The following GATAD2A variants were observed in gnomAD, a reference collection of about 807,000 sequenced individuals.
GATAD2A encodes GATA zinc finger domain containing 2A.
GATAD2A carries 12 observed loss-of-function variants against 68.5 expected under a neutral mutation model. The observed-to-expected ratio is 0.18, with a 90% CI of 0.11 to 0.28. The LOEUF is 0.28. Among genes scored for constraint, GATAD2A ranks in the 10% least tolerant of loss-of-function variants. The pLI, the probability that GATAD2A is intolerant of heterozygous loss-of-function variation, is 1.00. For synonymous variants in GATAD2A, 410 were observed against 375.3 expected, an observed-to-expected ratio of 1.09 and a Z score of -1.07; for missense variants, 755 against 868.5, an observed-to-expected ratio of 0.87 and a Z score of 1.64.
chr19:19,406,954 A>G (rs548849560), intron 1 of GATAD2A, among the ~76,000 whole-genome samples: 1 of 152,358 alleles, frequency 6.6e-6, no homozygotes, highest in Non-Finnish European at 1.5e-5. Context: ...CTTTAGGTGT[A>G]TAGTTCATCC....
At chr19:19,427,489 A>G (rs1294335691) in intron 1 of GATAD2A, 1 of 152,128 alleles carries the variant, frequency 6.6e-6, no homozygotes, top group Non-Finnish European at 1.5e-5. Flanking sequence ...AAGGCTCTTA[A>G]TGACATCATC....
chr19:19,498,821 C>T, intron 8 of GATAD2A, 99 bp downstream of exon 8: 1 of 1,080,024 alleles, frequency 9.3e-7, no homozygotes, highest in Middle Eastern at 3.0e-4. Flanking sequence ...TGGGGCAGGG[C>T]TGCCTAGCCA....
At chr19:19,426,794 G>A (rs1343284256) in intron 1 of GATAD2A, among the ~76,000 whole-genome samples, 3 of 152,334 alleles carry the variant, frequency 2.0e-5, no homozygotes, top group East Asian at 1.9e-4. Context: ...GATTACAGGC[G>A]TGAGCCACTG....
intron 1 of GATAD2A, among the ~76,000 whole-genome samples, chr19:19,386,369 C>T (rs1289279380): frequency 1.3e-5 from 2 of 151,916 alleles, no homozygotes; most frequent in Non-Finnish European, 2.9e-5. Context: ...ACACACCCGC[C>T]TCTCTAGGGG....
chr19:19,487,838 G>C (rs1355988576), intron 2 of GATAD2A, among the ~76,000 whole-genome samples: 1 of 152,194 alleles, frequency 6.6e-6, no homozygotes, highest in Non-Finnish European at 1.5e-5. Context: ...AGCTGGCAGG[G>C]CTGGTGTTGG....
chr19:19,458,290 C>T (rs1325889253), intron 1 of GATAD2A, among the ~76,000 whole-genome samples: 1 of 152,208 alleles, frequency 6.6e-6, no homozygotes, highest in African/African-American at 2.4e-5. Flanking sequence ...TGGAACGTCT[C>T]GCCTAATTCC....
intron 1 of GATAD2A, among the ~76,000 whole-genome samples, chr19:19,387,806 A>G (rs990402850): frequency 6.6e-6 from 1 of 152,066 alleles, no homozygotes; most frequent in African/African-American, 2.4e-5. Flanking sequence ...CAGTTTCTCC[A>G]GAGGTTTTCC....
At chr19:19,411,605 T>C (rs1016227969) in intron 1 of GATAD2A, among the ~76,000 whole-genome samples, 1 of 152,198 alleles carries the variant, frequency 6.6e-6, no homozygotes. Context: ...CAGATCTGGC[T>C]TTGTCACTGA....
chr19:19,459,123 A>G (rs763902920), intron 1 of GATAD2A, among the ~76,000 whole-genome samples: 14 of 151,988 alleles, frequency 9.2e-5, no homozygotes, highest in Non-Finnish European at 1.6e-4. Context: ...TGTGCTTTTG[A>G]TTCTCATCCT....
At chr19:19,419,910 C>T (rs968335278) in intron 1 of GATAD2A, among the ~76,000 whole-genome samples, 2 of 151,438 alleles carry the variant, frequency 1.3e-5, no homozygotes, top group East Asian at 3.9e-4. Flanking sequence ...AATGGTACAG[C>T]GGTTCAGGTT....
At chr19:19,417,819 G>A (rs905403228) in intron 1 of GATAD2A, among the ~76,000 whole-genome samples, 12 of 152,202 alleles carry the variant, frequency 7.9e-5, no homozygotes, top group African/African-American at 2.9e-4. Flanking sequence ...GGAAGATTGG[G>A]TAGGGATTAA....
chr19:19,424,714 G>T (rs925158373), intron 1 of GATAD2A, among the ~76,000 whole-genome samples: 1 of 152,164 alleles, frequency 6.6e-6, no homozygotes, highest in African/African-American at 2.4e-5. Context: ...TGTGGTTGGG[G>T]TCTGGGGCCT....
At chr19:19,490,339 CTG>C (rs1233144846) in intron 2 of GATAD2A, among the ~76,000 whole-genome samples, 1 of 152,090 alleles carries the variant, frequency 6.6e-6, no homozygotes, top group African/African-American at 2.4e-5. Context: ...CTCTGGTGCT[CTG>C]TGTCTACCCT....
At chr19:19,428,309 C>T (rs937142195) in intron 1 of GATAD2A, among the ~76,000 whole-genome samples, 1 of 152,194 alleles carries the variant, frequency 6.6e-6, no homozygotes, top group Non-Finnish European at 1.5e-5. Context: ...CATGCACTGC[C>T]CAGGCAGCTG....
Position 19,505,460 on chromosome 19 carries a change from G to A in GATAD2A, c.1891G>A (p.Ala631Thr), listed in dbSNP as rs750569934. The change falls in exon 12 of 12, where the codon GCC (alanine) becomes ACC (threonine). Residue 631 changes from alanine to threonine, a missense_variant. Coordinates refer to ENST00000683918, the MANE Select transcript of GATAD2A (RefSeq NM_001384528.1). ...CCCACCCCGCTCCATCCCCCAGTCA[G>A]CCACGTGGAAATAGTGCGAGCCAGG... ...MIPPRSIPQS[A>T]TWK The A allele has an allele frequency of 2.5e-6, 4 of 1,603,538 alleles. No homozygotes were observed. The highest frequency in any genetic ancestry group is 2.3e-5 in the East Asian group (1 of 43,902).
chr19:19,391,034 G>A (rs117896238), intron 1 of GATAD2A, among the ~76,000 whole-genome samples: 10 of 150,638 alleles, frequency 6.6e-5, no homozygotes, highest in Non-Finnish European at 1.3e-4. Flanking sequence ...GGCAGGGGTC[G>A]GGGGGCAGTG....
chr19:19,424,969 G>A (rs2052895255), intron 1 of GATAD2A, among the ~76,000 whole-genome samples: 1 of 151,656 alleles, frequency 6.6e-6, no homozygotes, highest in South Asian at 2.1e-4. Flanking sequence ...AAAAAGGTGT[G>A]GTGCAGTCAT....
At chr19:19,435,856 G>T (rs1191913077) in intron 1 of GATAD2A, among the ~76,000 whole-genome samples, 1 of 152,100 alleles carries the variant, frequency 6.6e-6, no homozygotes, top group Non-Finnish European at 1.5e-5. Flanking sequence ...GTATTTCATC[G>T]TGTGACTGCT....
At chr19:19,484,803 G>A (rs764647655) in intron 2 of GATAD2A, among the ~76,000 whole-genome samples, 1 of 152,112 alleles carries the variant, frequency 6.6e-6, no homozygotes, top group Non-Finnish European at 1.5e-5. Context: ...AAAGTGCTGG[G>A]ATTACAGGCG....
Sources: allele counts gnomAD v4.1 joint callset (sites outside exome capture counted in the v4.1 genomes callset), GRCh38; gene constraint gnomAD v4.1.1; transcripts MANE v1.5; gene names NCBI Gene and HGNC (gene_info 2026-07-23, HGNC 2026-07-21).